The following CA10 variants were observed in gnomAD, a reference collection of about 807,000 sequenced individuals.
CA10 encodes the protein carbonic anhydrase-related protein 10.
A neutral mutation model predicts 44.2 loss-of-function variants in CA10; 14 were observed. The ratio of observed to expected loss-of-function variants is 0.32; its 90% CI spans 0.21 to 0.50. The LOEUF is 0.50. Ranked by LOEUF, CA10 falls within the 20% of genes least tolerant of loss-of-function variation. CA10 has a pLI of 0.99. For missense variants in CA10, 350 were observed against 409.7 expected, an observed-to-expected ratio of 0.85 and a Z score of 1.26; for synonymous variants, 159 against 141.6, an observed-to-expected ratio of 1.12 and a Z score of -0.87.
At chr17:52,149,709 G>A (rs1042554402) in intron 1 of CA10, among the ~76,000 whole-genome samples, 5 of 152,178 alleles carry the variant, frequency 3.3e-5, no homozygotes, top group Admixed American at 2.0e-4. Flanking sequence ...GTGTAAATAT[G>A]TGACAATAAA....
chr17:52,019,473 T>C (rs1986069474), intron 2 of CA10, among the ~76,000 whole-genome samples: 1 of 152,118 alleles, frequency 6.6e-6, no homozygotes, highest in South Asian at 2.1e-4. Flanking sequence ...TTGGTTTTAA[T>C]TTGTCAATCC....
chr17:51,664,531 C>T (rs1361192632), intron 4 of CA10, among the ~76,000 whole-genome samples: 2 of 146,460 alleles, frequency 1.4e-5, no homozygotes, highest in African/African-American at 5.1e-5. Context: ...AGTGGAATTA[C>T]TTCTCACTTA....
chr17:51,755,249 T>G (rs1023879043), intron 3 of CA10, among the ~76,000 whole-genome samples: 1 of 152,212 alleles, frequency 6.6e-6, no homozygotes, highest in African/African-American at 2.4e-5. Flanking sequence ...TTTTGGGTCT[T>G]AGATGTTGTA....
At chr17:51,907,129 C>A (rs1266297068) in intron 3 of CA10, among the ~76,000 whole-genome samples, 2 of 152,132 alleles carry the variant, frequency 1.3e-5, no homozygotes, top group African/African-American at 2.4e-5. Context: ...GACAATCAGA[C>A]TTTTGACCAT....
intron 3 of CA10, among the ~76,000 whole-genome samples, chr17:51,913,280 CA>C (rs1981860146): frequency 6.6e-6 from 1 of 152,080 alleles, no homozygotes; most frequent in African/African-American, 2.4e-5. Context: ...CCCAGAAAAG[CA>C]GGGGGGAGGA....
At chr17:52,005,022 G>T (rs548358722) in intron 2 of CA10, among the ~76,000 whole-genome samples, 1 of 151,832 alleles carries the variant, frequency 6.6e-6, no homozygotes, top group African/African-American at 2.4e-5. Flanking sequence ...AGACCCTCAA[G>T]TACTAAAGTG....
chr17:52,049,179 C>G (rs1216887402), intron 2 of CA10, among the ~76,000 whole-genome samples: 3 of 152,098 alleles, frequency 2.0e-5, no homozygotes, highest in Non-Finnish European at 2.9e-5. Context: ...CACATATTCA[C>G]TTATGATTGC....
intron 1 of CA10, among the ~76,000 whole-genome samples, chr17:52,130,525 C>T (rs150628692): frequency 1.3e-5 from 2 of 152,222 alleles, no homozygotes; most frequent in South Asian, 2.1e-4. Context: ...CTAGAGAACA[C>T]TACATTAATT....
intron 3 of CA10, among the ~76,000 whole-genome samples, chr17:51,782,698 A>G (rs1337060362): frequency 1.3e-5 from 2 of 152,210 alleles, no homozygotes; most frequent in Non-Finnish European, 2.9e-5. Flanking sequence ...TCTTGGCAGG[A>G]AAGCAATTCT....
At chr17:51,902,159 T>C (rs537968508) in intron 3 of CA10, among the ~76,000 whole-genome samples, 1 of 152,306 alleles carries the variant, frequency 6.6e-6, no homozygotes, top group Non-Finnish European at 1.5e-5. Context: ...TTTCTGGAGA[T>C]GACTAGGCAA....
At chr17:51,978,366 CTG>C (rs199687408) in intron 2 of CA10, among the ~76,000 whole-genome samples, 2,242 of 149,984 alleles carry the variant, frequency 0.015, 30 homozygotes, top group Non-Finnish European at 0.025. Flanking sequence ...ATACTCATAT[CTG>C]TGTGTGTGTC....
At chr17:52,150,938 TA>T (rs1989690077) in intron 1 of CA10, among the ~76,000 whole-genome samples, 1 of 152,104 alleles carries the variant, frequency 6.6e-6, no homozygotes, top group African/African-American at 2.4e-5. Flanking sequence ...AATGAATTTT[TA>T]AAAAAGTGTA....
intron 3 of CA10, among the ~76,000 whole-genome samples, chr17:51,921,851 T>C (rs1445467174): frequency 1.3e-5 from 2 of 152,198 alleles, no homozygotes; most frequent in African/African-American, 2.4e-5. Flanking sequence ...TATGTAAATA[T>C]AGTTTGAGAG....
At chr17:52,014,646 G>A (rs1030375378) in intron 2 of CA10, among the ~76,000 whole-genome samples, 12 of 152,078 alleles carry the variant, frequency 7.9e-5, no homozygotes, top group South Asian at 2.1e-4. Context: ...ATTTTAAATC[G>A]TCTGTATAAG....
chr17:51,883,265 C>T (rs186988857), intron 3 of CA10, among the ~76,000 whole-genome samples: 18 of 152,192 alleles, frequency 1.2e-4, no homozygotes, highest in African/African-American at 2.6e-4. Flanking sequence ...TCTAATTTTT[C>T]GTTTTCTGTT....
intron 4 of CA10, among the ~76,000 whole-genome samples, chr17:51,679,663 G>A (rs973914216): frequency 2.6e-5 from 4 of 150,996 alleles, no homozygotes; most frequent in East Asian, 2.0e-4. Context: ...GGGTTGAAGC[G>A]ATTCTCCTGC....
At chr17:52,127,322 T>C (rs1188560901) in intron 1 of CA10, among the ~76,000 whole-genome samples, 1 of 152,194 alleles carries the variant, frequency 6.6e-6, no homozygotes, top group Non-Finnish European at 1.5e-5. Flanking sequence ...TTGTATTACA[T>C]GGATCCACTA....
At chr17:51,817,106 G>T (rs1042671082) in intron 3 of CA10, among the ~76,000 whole-genome samples, 3 of 152,202 alleles carry the variant, frequency 2.0e-5, no homozygotes, top group Non-Finnish European at 4.4e-5. Context: ...CTCTTAGAAA[G>T]AATCTTATCC....
chr17:51,926,996 T>TA (rs1332843053), intron 3 of CA10, among the ~76,000 whole-genome samples: 1 of 152,214 alleles, frequency 6.6e-6, no homozygotes, highest in Non-Finnish European at 1.5e-5. Flanking sequence ...AAGTCTGTTT[T>TA]AGCAAATCTA....
Sources: gnomAD v4.1 joint callset for allele counts (sites outside exome capture counted in the v4.1 genomes callset) on GRCh38, gnomAD v4.1.1 for gene constraint, MANE v1.5 for transcripts, NCBI Gene and HGNC (gene_info 2026-07-23, HGNC 2026-07-21) for gene names.